Variants in CNTNAP2 observed in about 807,000 individuals in gnomAD.
CNTNAP2 encodes the protein contactin-associated protein-like 2.
In CNTNAP2, 98 loss-of-function variants were observed where a neutral mutation model predicts 155.2. The ratio of observed to expected loss-of-function variants is 0.63; its 90% CI spans 0.54 to 0.75. CNTNAP2 has a LOEUF of 0.75. Among genes scored for constraint, CNTNAP2 ranks in the 30% least tolerant of loss-of-function variants. CNTNAP2 has a pLI of 0.00. For synonymous variants in CNTNAP2, 651 were observed against 631.2 expected, an observed-to-expected ratio of 1.03 and a Z score of -0.47; for missense variants, 1,727 against 1,688.1, an observed-to-expected ratio of 1.02 and a Z score of -0.40.
At position 147,974,567 on chromosome 7, in the gene CNTNAP2, G is replaced by A. The variant is rs551048342; in HGVS notation, c.2256-3295G>A. ...TTGAACCCAGGAGGTGGAGGTTGCA[G>A]TGAGTCGAGATCGTGCCATTGCACT... is the stretch of plus-strand genomic sequence containing the variant. On this transcript the variant is annotated intron_variant, in intron 14 of 23. Transcript: ENST00000361727. Among the ~76,000 whole-genome samples, 5 of 152,304 alleles carry A rather than the reference G, an allele frequency of 3.3e-5. No individual in the cohort carries two copies. The East Asian group carries it at 9.7e-4, about 29-fold the overall frequency.
chr7:147,378,383 T>G (rs1239854807), intron 9 of CNTNAP2, among the ~76,000 whole-genome samples: 5 of 151,984 alleles, frequency 3.3e-5, no homozygotes, highest in Non-Finnish European at 7.4e-5. Flanking sequence ...ATCCATCACC[T>G]AAAGAATTCA....
intron 5 of CNTNAP2, among the ~76,000 whole-genome samples, chr7:147,117,813 G>A (rs1425695621): frequency 6.6e-6 from 1 of 152,012 alleles, no homozygotes; most frequent in Non-Finnish European, 1.5e-5. Context: ...ATGTACCCTT[G>A]ATTATAAAAC....
At chr7:146,515,871 A>G (rs1409529724) in intron 1 of CNTNAP2, among the ~76,000 whole-genome samples, 1 of 152,036 alleles carries the variant, frequency 6.6e-6, no homozygotes. Flanking sequence ...CTTTTAGACA[A>G]TTCTGTTTAT....
Position 148,397,572 on chromosome 7 carries a change from C to T in CNTNAP2, c.3716-11819C>T, listed in dbSNP as rs546602796. 1.2e-4 allele frequency among the ~76,000 whole-genome samples: 19 copies of T among 152,306 alleles called. No individual in the cohort carries two copies. The South Asian group carries it at 3.7e-3, about 30-fold the overall frequency. ...TGCATACCTGTTGGTGAAATCCCTG[C>T]TACTAAATACACTTTGCTTTTTCTT... On this transcript the variant is annotated intron_variant, in intron 22 of 23. Coordinates refer to ENST00000361727, the MANE Select transcript of CNTNAP2 (RefSeq NM_014141.6).
intron 14 of CNTNAP2, among the ~76,000 whole-genome samples, chr7:147,907,099 C>T (rs993031951): frequency 6.6e-6 from 1 of 152,010 alleles, no homozygotes; most frequent in Non-Finnish European, 1.5e-5. Flanking sequence ...CTCTGTCACC[C>T]AGGCTGGAGT....
At chr7:146,626,623 C>A (rs1466939971) in intron 1 of CNTNAP2, among the ~76,000 whole-genome samples, 3 of 151,908 alleles carry the variant, frequency 2.0e-5, no homozygotes. Context: ...TCAATGTATC[C>A]AATGCTTAGT....
intron 1 of CNTNAP2, among the ~76,000 whole-genome samples, chr7:146,673,254 C>T (rs954984652): frequency 5.3e-5 from 8 of 152,142 alleles, no homozygotes; most frequent in Non-Finnish European, 1.0e-4. Flanking sequence ...GTAAGCAATC[C>T]ATTCTGTTTT....
chr7:148,323,354 T>A (rs887162708), intron 21 of CNTNAP2, among the ~76,000 whole-genome samples: 16 of 149,584 alleles, frequency 1.1e-4, no homozygotes, highest in South Asian at 8.6e-4. Context: ...TCTTTTTTTT[T>A]TATACTTAAA....
chr7:147,876,288 T>C (rs1344557399), intron 13 of CNTNAP2, among the ~76,000 whole-genome samples: 1 of 152,208 alleles, frequency 6.6e-6, no homozygotes, highest in Non-Finnish European at 1.5e-5. Flanking sequence ...TTCTTATGCA[T>C]TGTCCTCCTC....
chr7:147,004,175 A>T (rs893734476), intron 3 of CNTNAP2, among the ~76,000 whole-genome samples: 1 of 150,762 alleles, frequency 6.6e-6, no homozygotes, highest in Non-Finnish European at 1.5e-5. Flanking sequence ...AATAAAATCG[A>T]TGAATTCAAT....
intron 1 of CNTNAP2, among the ~76,000 whole-genome samples, chr7:146,457,377 T>G (rs1018092912): frequency 2.7e-5 from 4 of 150,458 alleles, no homozygotes; most frequent in African/African-American, 9.8e-5. Flanking sequence ...AACTAATGAC[T>G]AGAAAGTTAA....
intron 1 of CNTNAP2, among the ~76,000 whole-genome samples, chr7:146,226,909 C>T (rs1423109237): frequency 6.6e-6 from 1 of 152,024 alleles, no homozygotes; most frequent in Non-Finnish European, 1.5e-5. Flanking sequence ...CACATGTACA[C>T]TTCATTACTT....
intron 10 of CNTNAP2, among the ~76,000 whole-genome samples, chr7:147,441,846 T>TCTCTCTCTCC (rs1797644002): frequency 2.6e-5 from 3 of 117,142 alleles, no homozygotes; most frequent in East Asian, 4.2e-4. Context: ...TCTCTCTCTC[T>TCTCTCTCTCC]CTCTCCCTCC....
intron 12 of CNTNAP2, among the ~76,000 whole-genome samples, chr7:147,595,837 A>G (rs1447370263): frequency 6.6e-6 from 1 of 152,208 alleles, no homozygotes; most frequent in African/African-American, 2.4e-5. Flanking sequence ...CTAACTTAGA[A>G]TCTTACAAGA....
chr7:146,914,285 AT>A (rs1390621199), intron 3 of CNTNAP2, among the ~76,000 whole-genome samples: 4 of 151,140 alleles, frequency 2.6e-5, no homozygotes, highest in South Asian at 2.1e-4. Flanking sequence ...TTGTATAGTG[AT>A]TTTTTTTCCC....
intron 12 of CNTNAP2, among the ~76,000 whole-genome samples, chr7:147,597,972 G>A (rs1401019878): frequency 6.6e-6 from 1 of 152,126 alleles, no homozygotes; most frequent in East Asian, 1.9e-4. Flanking sequence ...AGCAGCAATA[G>A]GTCAGGCAAA....
intron 1 of CNTNAP2, among the ~76,000 whole-genome samples, chr7:146,494,512 T>A (rs538986348): frequency 1.3e-5 from 2 of 152,298 alleles, no homozygotes; most frequent in East Asian, 3.9e-4. Context: ...AAATGTTTAC[T>A]TATAATTTTT....
chr7:147,898,839 C>T (rs1033045623), intron 13 of CNTNAP2, among the ~76,000 whole-genome samples: 1 of 152,260 alleles, frequency 6.6e-6, no homozygotes, highest in South Asian at 2.1e-4. Context: ...AATTGACTGG[C>T]TATTTTGGCT....
chr7:146,260,383 CAGT>C (rs1799902767), intron 1 of CNTNAP2, among the ~76,000 whole-genome samples: 1 of 152,176 alleles, frequency 6.6e-6, no homozygotes, highest in Non-Finnish European at 1.5e-5. Context: ...GACCCTGAAA[CAGT>C]AGATCCACAG....
Sources: allele counts gnomAD v4.1 joint callset (sites outside exome capture counted in the v4.1 genomes callset), GRCh38; gene constraint gnomAD v4.1.1; transcripts MANE v1.5; gene names NCBI Gene and HGNC (gene_info 2026-07-23, HGNC 2026-07-21).